SPTBN5: variants seen among roughly 807,000 people sequenced by gnomAD.
SPTBN5 encodes spectrin beta, non-erythrocytic 5.
SPTBN5 carries 513 observed loss-of-function variants against 477.6 expected under a neutral mutation model. The ratio of observed to expected loss-of-function variants is 1.07; its 90% CI spans 1.00 to 1.16. The LOEUF is 1.16. Among genes scored for constraint, SPTBN5 ranks in the 50% most tolerant of loss-of-function variants. SPTBN5 has a pLI of 0.00. For synonymous variants in SPTBN5, 2,169 were observed against 2,011.7 expected (o/e 1.08, Z -2.09); for missense variants, 5,062 against 4,731.8 (o/e 1.07, Z -2.05).
chr15:41,878,226 G>C, intron 17 of SPTBN5, 116 bp downstream of exon 17: 1 of 1,280,476 alleles, frequency 7.8e-7, no homozygotes, highest in East Asian at 2.5e-5. Context: ...CAACCAGTCT[G>C]GGCCCCTCCC....
rs576003285 is a variant in SPTBN5, at chr15:41,863,346, T to C, written c.7149+358A>G. On this transcript the variant is annotated intron_variant, in intron 41 of 67. Coordinates refer to ENST00000320955, the MANE Select transcript of SPTBN5 (RefSeq NM_016642.4). The stretch of plus-strand genomic sequence containing the variant: ...ATTCCAGCCCGGGGCTCTGTGGTTA[T>C]GTACACAGTCCCAGGGCAAACCTCC... Among the ~76,000 whole-genome samples the C allele has an allele frequency of 5.4e-4, 83 of 152,318 alleles. 2 individuals carry two copies. The South Asian group carries it at 0.016, about 30-fold the overall frequency.
At position 41,881,211 on chromosome 15, in the gene SPTBN5, T is replaced by C. The variant is rs377386499; in HGVS notation, c.2481A>G (p.Pro827=). The C allele has an allele frequency of 1.2e-5, 20 of 1,611,500 alleles. No homozygotes were observed. The East Asian group carries it at 2.2e-4, about 18-fold the overall frequency. Residue 827 remains proline, a synonymous_variant, in exon 13 of 68, where the codon CCA becomes CCG. Coordinates refer to ENST00000320955, the MANE Select transcript of SPTBN5 (RefSeq NM_016642.4). ...LFTVNSALSP[P]GESLRNPGPW... Reference sequence around the variant, plus strand: ...GCCCTGGGTTCCTCAGGCTTTCTCCTGGAGGGCTCAGGGCAGAGTTCACCT... The same window carrying C: ...GCCCTGGGTTCCTCAGGCTTTCTCCCGGAGGGCTCAGGGCAGAGTTCACCT...
At chr15:41,880,014 C>A in intron 14 of SPTBN5, 146 bp downstream of exon 14, 1 of 1,410,298 alleles carries the variant, frequency 7.1e-7, no homozygotes, top group East Asian at 2.5e-5. Flanking sequence ...TCCTTAAGGG[C>A]CAGGAGGCCC....
At chr15:41,864,794 T>A (rs2140932591) in intron 39 of SPTBN5, among the ~76,000 whole-genome samples, 1 of 152,132 alleles carries the variant, frequency 6.6e-6, no homozygotes, top group African/African-American at 2.4e-5. Flanking sequence ...AGGGAGGGGG[T>A]CCACCGCAGG....
intron 18 of SPTBN5, 71 bp from the exon 19 acceptor site, chr15:41,877,019 CA>C: frequency 6.3e-7 from 1 of 1,588,012 alleles, no homozygotes; most frequent in Non-Finnish European, 8.6e-7. Flanking sequence ...GCCACTGCCC[CA>C]GGGGCCTCCT....
chr15:41,880,981 G>A (rs2066930846), intron 13 of SPTBN5, 53 bp downstream of exon 13: 5 of 1,484,486 alleles, frequency 3.4e-6, no homozygotes, highest in Non-Finnish European at 4.6e-6. Context: ...CACTGCACAG[G>A]AGCTGCTGGC....
chr15:41,865,851 T>C lies in SPTBN5; in HGVS notation c.6875A>G (p.Gln2292Arg), dbSNP rs376159157. The C allele has an allele frequency of 2.3e-5, 36 of 1,581,646 alleles. No individual in the cohort carries two copies. The highest frequency in any genetic ancestry group is 2.8e-5 in the Non-Finnish European group (33 of 1,164,510). Reference protein sequence around the residue: ...DLGQDLEHCLQLRRRLREFRG... With the variant: ...DLGQDLEHCLRLRRRLREFRG... ...GAACTCGCGGAGCCGCCGTCGGAGC[T>C]GCAGGCAGTGCTCCAGGTCCTGGCC... The change falls in exon 39 of 68, where the codon CAG becomes CGG. Residue 2292 changes from glutamine (Q) to arginine (R), a missense_variant. Coordinates refer to ENST00000320955, the MANE Select transcript of SPTBN5 (RefSeq NM_016642.4).
rs1168710049 is a variant in SPTBN5, at chr15:41,878,493, A to C, written c.3319T>G (p.Phe1107Val). 6.2e-7 allele frequency: 1 copy of C among 1,613,114 alleles called. No homozygotes were observed. The highest frequency in any genetic ancestry group is 1.3e-5 in the African/African-American group (1 of 74,864). ...AGCAGTTGCTGGCTCTCTTGCAGGAAGCTCTGCCGGGCCTGAGTCTCAGCC... is the reference window on the plus strand; with the variant it reads ...AGCAGTTGCTGGCTCTCTTGCAGGACGCTCTGCCGGGCCTGAGTCTCAGCC... ...RQAETQARQS[F>V]LQESQQLLLW... is the part of the protein sequence containing the mutation. The change falls in exon 17 of 68, where the codon TTC becomes GTC. Residue 1107 changes from phenylalanine to valine, a missense_variant. Coordinates refer to ENST00000320955, the MANE Select transcript of SPTBN5 (RefSeq NM_016642.4).
At position 41,876,599 on chromosome 15, in the gene SPTBN5, C is replaced by A; in HGVS notation, c.3900G>T (p.Gln1300His). Reference sequence around the variant, plus strand: ...GCCTCCTCCTCTGCTCACTCCTCCCCTGGAGCCTGGTCCACTGTGCCTGGA... The same window carrying A: ...GCCTCCTCCTCTGCTCACTCCTCCCATGGAGCCTGGTCCACTGTGCCTGGA... ...QSIQAQWTRL[Q>H]GRSEQRRRQL... is the part of the protein sequence containing the mutation. Residue 1300 changes from glutamine to histidine, a missense_variant, in exon 20 of 68, where the codon CAG becomes CAT. Physicochemically the swap from Gln to His is conservative, Grantham distance 24. Coordinates refer to ENST00000320955, the MANE Select transcript of SPTBN5 (RefSeq NM_016642.4). 1 of 1,594,540 alleles carries A rather than the reference C, an allele frequency of 6.3e-7. No homozygotes were observed. The highest frequency in any genetic ancestry group is 8.5e-7 in the Non-Finnish European group (1 of 1,171,132).
Position 41,854,225 on chromosome 15 carries a change from C to T in SPTBN5, c.9619-20G>A. 1 of 1,581,482 alleles carries T rather than the reference C, an allele frequency of 6.3e-7. No individual in the cohort carries two copies. Among genetic ancestry groups the T allele is most frequent in the Admixed American group, 1.8e-5 (1 of 56,052 alleles). On this transcript the variant is annotated intron_variant, in intron 56 of 67. Coordinates refer to ENST00000320955, the MANE Select transcript of SPTBN5 (RefSeq NM_016642.4). The stretch of plus-strand genomic sequence containing the variant: ...CAAGTTCTGGGAGAGGAGAAAGGAC[C>T]TGCTCAGGGCTGTTCTCTGCTCCCA...
In SPTBN5 at chr15:41,877,345, AGCT is replaced by A. The variant is rs760875906; in HGVS notation, c.3479_3481del (p.Gln1160del). On this transcript the variant is annotated inframe_deletion, in exon 18 of 68. Transcript: ENST00000320955. ...TGCCATGGGCTGGCTCTGAGCGTCC[AGCT>A]GCTGCAGCCTGACCAGGATGACAGG... 2.5e-6 allele frequency: 4 copies of A among 1,607,626 alleles called. No homozygotes were observed. Among genetic ancestry groups the A allele is most frequent in the South Asian group, 1.1e-5 (1 of 90,020 alleles).
In SPTBN5 at chr15:41,856,433, G is replaced by A. The variant is rs528269870; in HGVS notation, c.8974C>T (p.Arg2992Trp). 1.1e-5 allele frequency: 18 copies of A among 1,593,108 alleles called. No individual in the cohort carries two copies. Among genetic ancestry groups the A allele is most frequent in the African/African-American group, 5.4e-5 (4 of 74,546 alleles). Reference sequence around the variant, plus strand: ...TCCTGAGCCTGCTGCAGCAGAAGCCGCCTCCGCGCCGCCTCTGCCCGCAGG... The same window carrying A: ...TCCTGAGCCTGCTGCAGCAGAAGCCACCTCCGCGCCGCCTCTGCCCGCAGG... The part of the protein sequence containing the change: ...AHLRAEAARR[R>W]LLLQQAQEAQ... Residue 2992 changes from arginine (R) to tryptophan (W), a missense_variant, in exon 53 of 68, where the codon CGG becomes TGG. Coordinates refer to ENST00000320955, the MANE Select transcript of SPTBN5 (RefSeq NM_016642.4).
chr15:41,886,491 G>C, intron 6 of SPTBN5, 125 bp from the exon 7 acceptor site: 2 of 1,125,070 alleles, frequency 1.8e-6, no homozygotes, highest in Non-Finnish European at 2.4e-6. Context: ...ATGCTTTGAA[G>C]TGGTGGTACC....
intron 41 of SPTBN5, 32 bp from the exon 42 acceptor site, chr15:41,862,935 G>A (rs1466840134): frequency 7.8e-6 from 12 of 1,545,828 alleles, no homozygotes; most frequent in Non-Finnish European, 1.0e-5. Flanking sequence ...TTACCTGCTG[G>A]GCCTTTGCTT....
chr15:41,853,041 G>A, intron 59 of SPTBN5, 41 bp from the exon 60 acceptor site: 1 of 1,474,186 alleles, frequency 6.8e-7, no homozygotes. Flanking sequence ...CTTGGGTAGG[G>A]CTCCCACCAT....
Position 41,857,394 on chromosome 15 carries a change from A to G in SPTBN5, c.8465T>C (p.Val2822Ala), listed in dbSNP as rs764047082. ...APTVGQALPG[V>A]GELLGTQREL... is the part of the protein sequence containing the mutation. ...CCTCTGTGTGCCCAGGAGCTCGCCC[A>G]CCCCAGGCAGGGCCTGGCCCACAGT... The change falls in exon 51 of 68, where the codon GTG becomes GCG. Residue 2822 changes from valine to alanine, a missense_variant. Val to Ala is a moderately conservative substitution (Grantham distance 64). Coordinates refer to ENST00000320955, the MANE Select transcript of SPTBN5 (RefSeq NM_016642.4). The G allele has an allele frequency of 1.9e-6, 3 of 1,587,176 alleles. No homozygotes were observed. The highest frequency in any genetic ancestry group is 2.7e-5 in the African/African-American group (2 of 74,318).
intron 7 of SPTBN5, 78 bp from the exon 8 acceptor site, chr15:41,883,564 G>A (rs1480675819): frequency 2.1e-5 from 32 of 1,540,138 alleles, no homozygotes; most frequent in Non-Finnish European, 2.6e-5. Flanking sequence ...GTCTGTGGTG[G>A]GGCTTGGCTG....
At chr15:41,865,782 A>C (rs550973420) in intron 39 of SPTBN5, 26 bp downstream of exon 39, 1 of 1,542,238 alleles carries the variant, frequency 6.5e-7, no homozygotes, top group South Asian at 1.2e-5. Flanking sequence ...TGCATGGCCA[A>C]CCTCTACCCA....
chr15:41,884,019 T>G (rs1029237822), intron 7 of SPTBN5, among the ~76,000 whole-genome samples: 1 of 152,060 alleles, frequency 6.6e-6, no homozygotes, highest in African/African-American at 2.4e-5. Flanking sequence ...AGAGTCTCAC[T>G]CCTTCGCCCA....
Sources: gnomAD v4.1 joint callset for allele counts (sites outside exome capture counted in the v4.1 genomes callset) on GRCh38, gnomAD v4.1.1 for gene constraint, MANE v1.5 for transcripts, NCBI Gene and HGNC (gene_info 2026-07-23, HGNC 2026-07-21) for gene names.